Variants in ITPR3 observed in about 807,000 individuals in gnomAD.
ITPR3 encodes inositol 1,4,5-trisphosphate-gated calcium channel ITPR3.
ITPR3 carries 173 observed loss-of-function variants against 293.2 expected under a neutral mutation model. The observed-to-expected ratio is 0.59, with a 90% CI of 0.52 to 0.67. The LOEUF (loss-of-function observed/expected upper bound fraction) is 0.67, where lower values mean the gene tolerates loss of function less well. Ranked by LOEUF, ITPR3 falls within the 30% of genes least tolerant of loss-of-function variation. ITPR3 has a pLI of 0.00. For synonymous variants in ITPR3, 1,295 were observed against 1,444.4 expected (o/e 0.90, Z 2.35); for missense variants, 2,796 against 3,592.1 (o/e 0.78, Z 5.66).
chr6:33,663,160 G>A (rs1487266254), intron 9 of ITPR3, among the ~76,000 whole-genome samples, 154 bp downstream of exon 9: 2 of 152,232 alleles, frequency 1.3e-5, no homozygotes, highest in Non-Finnish European at 2.9e-5. Flanking sequence ...ATCAAATAAA[G>A]GCATGACTGT....
In ITPR3 at chr6:33,664,253, T is replaced by TCA. The variant is rs769994845; in HGVS notation, c.1148+374_1148+375dup. On this transcript the variant is annotated intron_variant, in intron 11 of 57. Coordinates refer to ENST00000605930, the MANE Select transcript of ITPR3 (RefSeq NM_002224.4). The surrounding 1 kb of genome is among the most constrained non-coding windows in gnomAD (Gnocchi z 4.4). ...GGAACATCAAGAAACTTCTCAAGTG[T>TCA]CAGTACAGGCTTTGGCGTGTCCTTA... 1.1e-4 allele frequency among the ~76,000 whole-genome samples: 17 copies of TCA among 152,058 alleles called. No individual in the cohort carries two copies. Among genetic ancestry groups the TCA allele is most frequent in the Non-Finnish European group, 1.9e-4 (13 of 68,024 alleles).
Position 33,688,758 on chromosome 6 carries a change from C to T in ITPR3, c.6671C>T (p.Pro2224Leu). The change falls in exon 49 of 58, where the codon CCT becomes CTT. Residue 2224 changes from proline to leucine, a missense_variant. Coordinates refer to ENST00000605930, the MANE Select transcript of ITPR3 (RefSeq NM_002224.4). ...AACATCATCATTGCCTTCTTCTACC[C>T]TTACATGGAGGGCGCGTCCACAGGT... ...FINIIIAFFY[P>L]YMEGASTGVL... 1 of 1,614,220 alleles carries T rather than the reference C, an allele frequency of 6.2e-7. No homozygotes were observed. Among genetic ancestry groups the T allele is most frequent in the Non-Finnish European group, 8.5e-7 (1 of 1,180,028 alleles).
rs1024254870 is a variant in ITPR3 at position 33,662,953 on chromosome 6, A to G, written c.901A>G (p.Asn301Asp). 1.2e-6 allele frequency: 2 copies of G among 1,605,152 alleles called. No homozygotes were observed. Among genetic ancestry groups the G allele is most frequent in the Admixed American group, 3.4e-5 (2 of 58,994 alleles). ...DPCRGGAGHWNGLYRFKHLAT... is the reference protein window; with the variant it reads ...DPCRGGAGHWDGLYRFKHLAT... ...CTGCCGTGGAGGAGCTGGGCACTGG[A>G]ATGGCTTGTACCGCTTCAAGCACCT... Residue 301 changes from asparagine to aspartate, a missense_variant, in exon 9 of 58, where the codon AAT (asparagine) becomes GAT (aspartate). Physicochemically the swap from Asn to Asp is conservative, Grantham distance 23. This residue lies in a region of ITPR3 where 955 missense variants were observed against 1,180.8 expected (regional missense o/e 0.81). Coordinates refer to ENST00000605930, the MANE Select transcript of ITPR3 (RefSeq NM_002224.4).
At chr6:33,625,240 T>A (rs140137634) in intron 1 of ITPR3, among the ~76,000 whole-genome samples, 3 of 152,256 alleles carry the variant, frequency 2.0e-5, no homozygotes, top group African/African-American at 7.2e-5. Flanking sequence ...TCTCTTTTTT[T>A]TTTTTTGAGA....
intron 2 of ITPR3, among the ~76,000 whole-genome samples, chr6:33,649,388 A>C (rs1026796156): frequency 1.3e-5 from 2 of 152,028 alleles, no homozygotes; most frequent in African/African-American, 2.4e-5. Flanking sequence ...ACCACGGCCA[A>C]CTAATTTTGT....
intron 7 of ITPR3, 22 bp downstream of exon 7, chr6:33,659,571 C>T (rs750323451): frequency 6.2e-7 from 1 of 1,605,862 alleles, no homozygotes; most frequent in East Asian, 2.2e-5. Context: ...GAACCCCTGC[C>T]CTGCCCAGCT....
At position 33,672,334 on chromosome 6, in the gene ITPR3, G is replaced by A; in HGVS notation, c.2928+106G>A. On this transcript the variant is annotated intron_variant, in intron 22 of 57. Transcript: ENST00000605930. The surrounding 1 kb of genome is among the most constrained non-coding windows in gnomAD (Gnocchi z 5.0). ...GAACCCCTTCAGATCTCAGTATTTA[G>A]TACTGGAAGTCTCCATCGTGACTGG... 1.0e-6 allele frequency: 1 copy of A among 961,356 alleles called. No individual in the cohort carries two copies. Among genetic ancestry groups the A allele is most frequent in the Non-Finnish European group, 1.6e-6 (1 of 644,612 alleles). 59.6% of individuals were successfully genotyped at this position (961,356 alleles called of 1,614,324 possible). A position where few individuals can be genotyped will look rare whatever the true frequency, so the allele number is the denominator to read the frequency against.
In ITPR3 at chr6:33,655,660, G is replaced by A; in HGVS notation, c.161-106G>A. On this transcript the variant is annotated intron_variant, in intron 2 of 57. Transcript: ENST00000605930. The surrounding 1 kb of genome is among the most constrained non-coding windows in gnomAD (Gnocchi z 4.9). ...TCTCTACCTGCAGCGGGGAACGGGG[G>A]TGGGGAAGGGTTGGGAGAGAAGAGC... 2.1e-6 allele frequency: 3 copies of A among 1,448,904 alleles called. No individual in the cohort carries two copies. The highest frequency in any genetic ancestry group is 2.8e-6 in the Non-Finnish European group (3 of 1,058,278). The allele number at this position is 1,448,904 out of a possible 1,614,324, so 89.8% of individuals were successfully genotyped here.
chr6:33,641,310 G>C (rs73408212), intron 2 of ITPR3, among the ~76,000 whole-genome samples: 3,855 of 152,246 alleles, frequency 0.025, 149 homozygotes, highest in East Asian at 0.18. Flanking sequence ...GGCAGGGTGG[G>C]AGCAGGCAGC....
At chr6:33,656,347 A>T (rs1764305538) in intron 3 of ITPR3, among the ~76,000 whole-genome samples, 2 of 152,070 alleles carry the variant, frequency 1.3e-5, no homozygotes, top group Non-Finnish European at 1.5e-5. Context: ...TGGAATGTCG[A>T]CACCATAGAG....
chr6:33,662,426 C>A, intron 7 of ITPR3, 102 bp from the exon 8 acceptor site: 2 of 1,377,106 alleles, frequency 1.5e-6, no homozygotes, highest in Non-Finnish European at 1.9e-6. Context: ...AGGGGCCCTG[C>A]CAGCAGCCAA....
intron 21 of ITPR3, 130 bp downstream of exon 21, chr6:33,671,436 A>G: frequency 1.5e-6 from 1 of 675,754 alleles, no homozygotes. Flanking sequence ...CCTCAAGGGG[A>G]TATCTTGGGC....
chr6:33,686,964 G>C, intron 43 of ITPR3, 45 bp from the exon 44 acceptor site: 1 of 1,456,700 alleles, frequency 6.9e-7, no homozygotes, highest in South Asian at 1.2e-5. Flanking sequence ...TCAGGGGCAT[G>C]GTGTCCTGAG....
At chr6:33,673,940 T>C (rs540299633) in intron 23 of ITPR3, among the ~76,000 whole-genome samples, 1 of 152,336 alleles carries the variant, frequency 6.6e-6, no homozygotes, top group South Asian at 2.1e-4. Context: ...AGCAGGGACT[T>C]GCTCGAGGTG....
chr6:33,679,778 G>T lies in ITPR3; in HGVS notation c.3973-104G>T. The T allele has an allele frequency of 7.1e-7, 1 of 1,416,914 alleles. No homozygotes were observed. The highest frequency in any genetic ancestry group is 1.4e-5 in the South Asian group (1 of 71,012). The allele number at this position is 1,416,914 out of a possible 1,614,324, so 87.8% of individuals were successfully genotyped here. A position where few individuals can be genotyped will look rare whatever the true frequency, so the allele number is the denominator to read the frequency against. On this transcript the variant is annotated intron_variant, in intron 30 of 57. Coordinates refer to ENST00000605930, the MANE Select transcript of ITPR3 (RefSeq NM_002224.4). This position sits in a 1 kb window ranked among gnomAD's most constrained non-coding sequence, Gnocchi z 4.2. ...GGAGGGTTTTCCTGATTTCAGGTAAGGGCTGTGGTCAGAGTCCCAGTTTCT... is the reference window on the plus strand; with the variant it reads ...GGAGGGTTTTCCTGATTTCAGGTAATGGCTGTGGTCAGAGTCCCAGTTTCT...
rs954809475 is a variant in ITPR3, at chr6:33,666,928, C to T, written c.1552-201C>T. Among the ~76,000 whole-genome samples, 2 of 152,094 alleles carry T rather than the reference C, an allele frequency of 1.3e-5. No individual in the cohort carries two copies. The highest frequency in any genetic ancestry group is 2.4e-5 in the African/African-American group (1 of 41,408). ...GGGAGGGATAGGCTGGGGTCAGCTTCGGGATTCCAACAAGGAGTAGGGAGA... is the reference window on the plus strand; with the variant it reads ...GGGAGGGATAGGCTGGGGTCAGCTTTGGGATTCCAACAAGGAGTAGGGAGA... On this transcript the variant is annotated intron_variant, in intron 14 of 57. Coordinates refer to ENST00000605930, the MANE Select transcript of ITPR3 (RefSeq NM_002224.4). This position sits in a 1 kb window ranked among gnomAD's most constrained non-coding sequence, Gnocchi z 5.1.
chr6:33,624,024 C>T lies in ITPR3; in HGVS notation c.89+2333C>T, dbSNP rs1172259961. On this transcript the variant is annotated intron_variant, in intron 1 of 57. Transcript: ENST00000605930. The surrounding 1 kb of genome is among the most constrained non-coding windows in gnomAD (Gnocchi z 4.7). Reference sequence around the variant, plus strand: ...CTGTCCCGCGCTCTCAGTCTCTTTACCTTTGCTCTTGGGTTGTTCCCGCCC... The same window carrying T: ...CTGTCCCGCGCTCTCAGTCTCTTTATCTTTGCTCTTGGGTTGTTCCCGCCC... Among the ~76,000 whole-genome samples, 1 of 152,234 alleles carries T rather than the reference C, an allele frequency of 6.6e-6. No individual in the cohort carries two copies. Among genetic ancestry groups the T allele is most frequent in the Non-Finnish European group, 1.5e-5 (1 of 68,044 alleles).
chr6:33,665,819 G>C lies in ITPR3; in HGVS notation c.1410-16G>C. ...TGGGTATCTCACACTCGTCATCCCCGGGTCCCCTCACCCAGGTTTGTCATC... is the reference window on the plus strand; with the variant it reads ...TGGGTATCTCACACTCGTCATCCCCCGGTCCCCTCACCCAGGTTTGTCATC... On this transcript the variant is annotated splice_polypyrimidine_tract_variant and intron_variant, in intron 13 of 57. Coordinates refer to ENST00000605930, the MANE Select transcript of ITPR3 (RefSeq NM_002224.4). 1 of 1,613,374 alleles carries C rather than the reference G, an allele frequency of 6.2e-7. No individual in the cohort carries two copies. Among genetic ancestry groups the C allele is most frequent in the East Asian group, 2.2e-5 (1 of 44,860 alleles).
At chr6:33,625,627 T>C (rs2151274653) in intron 1 of ITPR3, among the ~76,000 whole-genome samples, 1 of 151,120 alleles carries the variant, frequency 6.6e-6, no homozygotes, top group African/African-American at 2.4e-5. Context: ...GCTTTCAACA[T>C]TTGTCAAAGT....
Sources: allele counts gnomAD v4.1 joint callset (sites outside exome capture counted in the v4.1 genomes callset), GRCh38; gene constraint gnomAD v4.1.1; regional missense constraint gnomAD v4.1.1; non-coding constraint Gnocchi (gnomAD v3.1); transcripts MANE v1.5; gene names NCBI Gene and HGNC (gene_info 2026-07-23, HGNC 2026-07-21).